The following DENND2B variants were observed in gnomAD, a reference collection of about 807,000 sequenced individuals.
DENND2B encodes DENN domain-containing protein 2B.
Under a neutral mutation model 116.0 loss-of-function variants are expected in DENND2B, and 32 were observed. The observed-to-expected ratio is 0.28, with a 90% CI of 0.21 to 0.37. DENND2B has a LOEUF of 0.37. Among genes scored for constraint, DENND2B ranks in the 10% least tolerant of loss-of-function variants. The pLI is 1.00. For missense variants in DENND2B, 1,276 were observed against 1,477.7 expected, an observed-to-expected ratio of 0.86 and a Z score of 2.24; for synonymous variants, 588 against 583.9, an observed-to-expected ratio of 1.01 and a Z score of -0.10.
intron 1 of DENND2B, among the ~76,000 whole-genome samples, chr11:8,754,585 G>A (rs1055058667): frequency 6.6e-6 from 1 of 152,174 alleles, no homozygotes; most frequent in African/African-American, 2.4e-5. Flanking sequence ...CTGTTCAGAA[G>A]AAATGAAAAT....
intron 2 of DENND2B, among the ~76,000 whole-genome samples, chr11:8,735,097 G>A (rs962946692): frequency 3.3e-5 from 5 of 152,086 alleles, no homozygotes; most frequent in East Asian, 1.9e-4. Flanking sequence ...TCCGTCACTC[G>A]AATCTTGGTT....
chr11:8,704,869 T>A (rs1456635250), intron 13 of DENND2B, among the ~76,000 whole-genome samples: 1 of 151,962 alleles, frequency 6.6e-6, no homozygotes, highest in Admixed American at 6.6e-5. Flanking sequence ...GGCAATTTTT[T>A]TTTTGTATTT....
chr11:8,860,689 A>G (rs1594276684), intron 2 of DENND2B, among the ~76,000 whole-genome samples: 2 of 152,324 alleles, frequency 1.3e-5, no homozygotes, highest in East Asian at 1.9e-4. Flanking sequence ...ATTAGAAAAA[A>G]CAATTCTAAA....
chr11:8,718,772 A>G (rs1441314820), intron 4 of DENND2B: 9 of 1,030,724 alleles, frequency 8.7e-6, no homozygotes, highest in East Asian at 8.4e-5. Flanking sequence ...AAATCTCAGA[A>G]AAGTCCAAAA....
chr11:8,699,539 CCGCTTTCCCA>C, intron 14 of DENND2B, 149 bp from the exon 15 acceptor site: 1 of 744,420 alleles, frequency 1.3e-6, no homozygotes, highest in African/African-American at 1.8e-5. Flanking sequence ...GGTAAAGTCC[CCGCTTTCCCA>C]CTGCGTAGCG....
chr11:8,755,321 CTTTGGTGCAAATAAGT>C (rs1266805765), intron 1 of DENND2B, among the ~76,000 whole-genome samples: 1 of 152,224 alleles, frequency 6.6e-6, no homozygotes, highest in Non-Finnish European at 1.5e-5. Context: ...TTACTTATTA[CTTTGGTGCAAATAAGT>C]GATTGGTTTT....
intron 1 of DENND2B, chr11:8,757,010 G>A (rs1438353952): frequency 2.2e-6 from 1 of 456,042 alleles, no homozygotes; most frequent in Non-Finnish European, 4.4e-6. Context: ...ACTATCTGAA[G>A]AGTAACAATC....
In DENND2B at chr11:8,712,744, A is replaced by C; in HGVS notation, c.1988-9T>G. ...CAGGCGCTGTGTGTGGGCTGGAGGCAGGTTGCACATCAGGGAATGGACCCT... is the reference window on the plus strand; with the variant it reads ...CAGGCGCTGTGTGTGGGCTGGAGGCCGGTTGCACATCAGGGAATGGACCCT... On this transcript the variant is annotated splice_polypyrimidine_tract_variant and intron_variant, in intron 8 of 19. Transcript: ENST00000313726. This position sits in a 1 kb window ranked among gnomAD's most constrained non-coding sequence, Gnocchi z 4.4. 6.2e-7 allele frequency: 1 copy of C among 1,605,120 alleles called. No homozygotes were observed. The highest frequency in any genetic ancestry group is 8.5e-7 in the Non-Finnish European group (1 of 1,175,356).
At chr11:8,801,686 A>AG (rs1358993213) in intron 1 of DENND2B, among the ~76,000 whole-genome samples, 2 of 80,530 alleles carry the variant, frequency 2.5e-5, no homozygotes, top group Non-Finnish European at 3.0e-5. Flanking sequence ...CAAAAAAAAA[A>AG]AAAAAAGAAA....
At chr11:8,832,586 C>T (rs1404928790) in intron 4 of DENND2B, 2 of 83,852 alleles carry the variant, frequency 2.4e-5, no homozygotes, top group Non-Finnish European at 6.0e-5. Context: ...CTCAGTGGAA[C>T]TAGCATTCCT....
At chr11:8,893,187 A>C (rs2064055723) in intron 1 of DENND2B, among the ~76,000 whole-genome samples, 1 of 152,254 alleles carries the variant, frequency 6.6e-6, no homozygotes, top group Non-Finnish European at 1.5e-5. Flanking sequence ...GCCTTTGACA[A>C]AATTCAACAG....
chr11:8,699,070 A>G, intron 15 of DENND2B, 96 bp from the exon 16 acceptor site: 1 of 1,560,236 alleles, frequency 6.4e-7, no homozygotes, highest in Non-Finnish European at 8.7e-7. Flanking sequence ...AGGGTCAGCT[A>G]ACAGGAAGTA....
intron 1 of DENND2B, among the ~76,000 whole-genome samples, chr11:8,890,057 G>T (rs918833036): frequency 6.6e-6 from 1 of 152,164 alleles, no homozygotes; most frequent in Non-Finnish European, 1.5e-5. Context: ...CCAGGGGAAC[G>T]ATCAGGCAGC....
chr11:8,900,285 T>C (rs1206740136), intron 1 of DENND2B, among the ~76,000 whole-genome samples: 1 of 149,550 alleles, frequency 6.7e-6, no homozygotes, highest in Non-Finnish European at 1.5e-5. Context: ...AAAAAAAAAT[T>C]AGCTGGGTGT....
chr11:8,870,801 C>G (rs990839738), intron 2 of DENND2B: 8 of 152,282 alleles, frequency 5.3e-5, no homozygotes, highest in African/African-American at 1.7e-4. Flanking sequence ...CCCCGCTCCT[C>G]TGCGCCTGCG....
chr11:8,867,689 C>T (rs2063632943), intron 2 of DENND2B, among the ~76,000 whole-genome samples: 1 of 144,972 alleles, frequency 6.9e-6, no homozygotes, highest in Non-Finnish European at 1.5e-5. Flanking sequence ...AGTGATCGAT[C>T]CTCCCACCTT....
intron 1 of DENND2B, among the ~76,000 whole-genome samples, chr11:8,765,543 T>C (rs778673046): frequency 6.6e-6 from 1 of 152,156 alleles, no homozygotes; most frequent in African/African-American, 2.4e-5. Flanking sequence ...GCAAATACCA[T>C]GTGAAAAGCA....
At chr11:8,745,435 T>C (rs1480270453) in intron 2 of DENND2B, among the ~76,000 whole-genome samples, 1 of 152,038 alleles carries the variant, frequency 6.6e-6, no homozygotes, top group Non-Finnish European at 1.5e-5. Context: ...AGACCTGAGA[T>C]TTTAGGGGAG....
At position 8,894,812 on chromosome 11, in the gene DENND2B, T is replaced by C. The variant is rs535005304; in HGVS notation, c.-255-13703A>G. ...TTACACTGTTGGTGGGACTGTAAAC[T>C]AGTTCAAACATTGTGGAAGAGAGTG... On this transcript the variant is annotated intron_variant, in intron 1 of 22. Coordinates refer to the DENND2B transcript ENST00000534127. Among the ~76,000 whole-genome samples, 5 of 152,290 alleles carry C rather than the reference T, an allele frequency of 3.3e-5. No individual in the cohort carries two copies. The South Asian group carries it at 1.0e-3, about 32-fold the overall frequency.
Sources: gnomAD v4.1 joint callset for allele counts (sites outside exome capture counted in the v4.1 genomes callset) on GRCh38, gnomAD v4.1.1 for gene constraint, Gnocchi (gnomAD v3.1) non-coding constraint, MANE v1.5 for transcripts, NCBI Gene and HGNC (gene_info 2026-07-23, HGNC 2026-07-21) for gene names.